Variants in HMGN5 observed in about 807,000 individuals in gnomAD.
HMGN5 encodes high mobility group nucleosome binding domain 5.
Under a neutral mutation model 9.5 loss-of-function variants are expected in HMGN5, and 4 were observed. That is an observed-to-expected ratio of 0.42 (90% confidence interval 0.21 to 0.96). HMGN5 has a LOEUF of 0.96. Ranked by LOEUF, HMGN5 falls within the 40% of genes least tolerant of loss-of-function variation. The probability of loss-of-function intolerance (pLI) is 0.30; values close to 1 mark genes in which losing one functional copy is unlikely to be tolerated. For missense variants in HMGN5, 192 were observed against 187.5 expected (o/e 1.02, Z -0.14); for synonymous variants, 55 against 57.1 (o/e 0.96, Z 0.16).
intron 1 of HMGN5, among the ~76,000 whole-genome samples, chrX:81,178,376 A>T (rs1004129176): frequency 1.8e-5 from 2 of 111,595 alleles, no homozygotes; most frequent in Admixed American, 9.5e-5. Flanking sequence ...GATAAAGGGG[A>T]TATCACCACC....
chrX:81,139,363 T>C (rs1475888166), intron 1 of HMGN5, among the ~76,000 whole-genome samples: 1 of 111,741 alleles, frequency 8.9e-6, no homozygotes, highest in Non-Finnish European at 1.9e-5. Flanking sequence ...TGGATACCCA[T>C]AGGCAACGAT....
At chrX:81,193,634 A>G in intron 1 of HMGN5, among the ~76,000 whole-genome samples, 1 of 112,245 alleles carries the variant, frequency 8.9e-6, no homozygotes, top group South Asian at 3.6e-4. Flanking sequence ...AGGAAATGAA[A>G]ATGAATAAAA....
intron 1 of HMGN5, among the ~76,000 whole-genome samples, chrX:81,148,931 C>T (rs1055324911): frequency 9.0e-6 from 1 of 111,687 alleles, no homozygotes; most frequent in Non-Finnish European, 1.9e-5. Flanking sequence ...CAATGAGATA[C>T]CATTTCATGC....
chrX:81,165,157 A>AT (rs2075407634), intron 1 of HMGN5, among the ~76,000 whole-genome samples: 1 of 110,782 alleles, frequency 9.0e-6, no homozygotes, highest in South Asian at 3.8e-4. Flanking sequence ...CTAAATCTGT[A>AT]TTTTTTCCTT....
intron 1 of HMGN5, among the ~76,000 whole-genome samples, chrX:81,192,964 T>C (rs1569353247): frequency 1.8e-5 from 2 of 111,462 alleles, no homozygotes; most frequent in South Asian, 3.7e-4. Context: ...TCTATTTTTT[T>C]AGGTAAGATT....
At chrX:81,150,760 T>A (rs2075359302) in intron 1 of HMGN5, among the ~76,000 whole-genome samples, 1 of 111,127 alleles carries the variant, frequency 9.0e-6, no homozygotes, top group South Asian at 3.8e-4. Context: ...GAGAGAAGAT[T>A]CAATTAAATG....
intron 1 of HMGN5, among the ~76,000 whole-genome samples, chrX:81,161,570 T>C (rs1225770003): frequency 2.7e-5 from 3 of 110,890 alleles, no homozygotes; most frequent in African/African-American, 1.0e-4. Flanking sequence ...AGTGCTGTTA[T>C]AAGAAAACCT....
intron 1 of HMGN5, among the ~76,000 whole-genome samples, chrX:81,129,378 C>T (rs1293809330): frequency 9.0e-6 from 1 of 111,202 alleles, no homozygotes; most frequent in African/African-American, 3.3e-5. Flanking sequence ...TCTTTAATTA[C>T]GAGTGAAGCT....
At chrX:81,155,043 A>G (rs1445668360) in intron 1 of HMGN5, among the ~76,000 whole-genome samples, 1 of 100,807 alleles carries the variant, frequency 9.9e-6, no homozygotes, top group Non-Finnish European at 2.0e-5. Flanking sequence ...TGCCGGGTAT[A>G]TGCCTAAAAG....
chrX:81,143,863 C>T (rs1027351505), intron 1 of HMGN5, among the ~76,000 whole-genome samples: 1 of 112,068 alleles, frequency 8.9e-6, no homozygotes. Flanking sequence ...TTACCCTCAC[C>T]ATGTAAACAA....
intron 1 of HMGN5, among the ~76,000 whole-genome samples, chrX:81,158,411 C>G (rs1171419446): frequency 8.9e-6 from 1 of 112,310 alleles, no homozygotes; most frequent in Non-Finnish European, 1.9e-5. Context: ...TTGCATTTCT[C>G]TGATGATCAG....
chrX:81,158,886 T>G (rs911331086), intron 1 of HMGN5, among the ~76,000 whole-genome samples: 4 of 111,712 alleles, frequency 3.6e-5, no homozygotes, highest in African/African-American at 9.8e-5. Context: ...TTACTGGGTA[T>G]ATATCCAAAG....
intron 1 of HMGN5, among the ~76,000 whole-genome samples, chrX:81,142,516 C>A (rs1317792155): frequency 1.8e-5 from 2 of 111,493 alleles, no homozygotes; most frequent in Non-Finnish European, 3.8e-5. Context: ...TCCAATAAAT[C>A]TTGCAGCAGA....
chrX:81,187,214 T>C (rs1311664828), intron 1 of HMGN5, among the ~76,000 whole-genome samples: 1 of 111,773 alleles, frequency 8.9e-6, no homozygotes, highest in African/African-American at 3.2e-5. Flanking sequence ...TTAGTTCACT[T>C]TGGTCTATAG....
chrX:81,149,805 G>C (rs1311944928), intron 1 of HMGN5, among the ~76,000 whole-genome samples: 2 of 111,727 alleles, frequency 1.8e-5, no homozygotes, highest in Admixed American at 1.9e-4. Flanking sequence ...TATAACAAGA[G>C]ACAAAGATGG....
chrX:81,151,321 A>G (rs1026543770), intron 1 of HMGN5, among the ~76,000 whole-genome samples: 1 of 111,679 alleles, frequency 9.0e-6, no homozygotes, highest in Non-Finnish European at 1.9e-5. Context: ...CTGTTTTTGT[A>G]CCAGTACCAT....
At chrX:81,193,271 T>C (rs1265549024) in intron 1 of HMGN5, among the ~76,000 whole-genome samples, 1 of 112,142 alleles carries the variant, frequency 8.9e-6, no homozygotes, top group Non-Finnish European at 1.9e-5. Flanking sequence ...GAAGCTGCCA[T>C]GCCATGAGAA....
chrX:81,181,516 T>G (rs555202880), intron 1 of HMGN5, among the ~76,000 whole-genome samples: 1 of 111,742 alleles, frequency 8.9e-6, no homozygotes, highest in South Asian at 3.8e-4. Flanking sequence ...ATAGTCACAC[T>G]GTTGTGCTAG....
chrX:81,191,601 TC>T (rs1308709182), intron 1 of HMGN5, among the ~76,000 whole-genome samples: 2 of 112,063 alleles, frequency 1.8e-5, no homozygotes, highest in Non-Finnish European at 3.8e-5. Context: ...AACCCTGAAT[TC>T]TTAGTGTTGG....
Sources: gnomAD v4.1 joint callset for allele counts (sites outside exome capture counted in the v4.1 genomes callset) on GRCh38, gnomAD v4.1.1 for gene constraint, MANE v1.5 for transcripts, NCBI Gene and HGNC (gene_info 2026-07-23, HGNC 2026-07-21) for gene names.